The following CNTN5 variants were observed in gnomAD, a reference collection of about 807,000 sequenced individuals.
The protein encoded by CNTN5 is contactin 5, also known as contactin-5.
Under a neutral mutation model 129.1 loss-of-function variants are expected in CNTN5, and 77 were observed. The ratio of observed to expected loss-of-function variants is 0.60; its 90% confidence interval spans 0.50 to 0.72. The LOEUF is 0.72. CNTN5 is among the 30% of genes least tolerant of loss of function. The probability of loss-of-function intolerance (pLI) is 0.00; values close to 1 mark genes in which losing one functional copy is unlikely to be tolerated. For synonymous variants in CNTN5, 509 were observed against 465.6 expected (o/e 1.09, Z -1.20); for missense variants, 1,478 against 1,328.8 (o/e 1.11, Z -1.75).
chr11:100,023,917 G>A (rs1941286385), intron 9 of CNTN5, among the ~76,000 whole-genome samples: 1 of 151,954 alleles, frequency 6.6e-6, no homozygotes, highest in Non-Finnish European at 1.5e-5. Context: ...GCTACTAAAG[G>A]ACTCTTAGCT....
At chr11:99,500,462 A>G (rs532365968) in intron 2 of CNTN5, among the ~76,000 whole-genome samples, 26 of 152,130 alleles carry the variant, frequency 1.7e-4, no homozygotes, top group Non-Finnish European at 3.8e-4. Flanking sequence ...GAGTCCTTGT[A>G]TATTTCCAGA....
intron 1 of CNTN5, among the ~76,000 whole-genome samples, chr11:99,117,857 T>G (rs1858116055): frequency 6.6e-6 from 1 of 152,170 alleles, no homozygotes; most frequent in Admixed American, 6.5e-5. Flanking sequence ...TCAAATCTGA[T>G]AGCATCATGG....
At chr11:99,338,744 T>C (rs1591541757) in intron 2 of CNTN5, among the ~76,000 whole-genome samples, 1 of 152,010 alleles carries the variant, frequency 6.6e-6, no homozygotes, top group Middle Eastern at 3.4e-3. Context: ...TCTCTATTTG[T>C]ATATGCTCAT....
At chr11:100,335,708 C>A (rs1952023402) in intron 21 of CNTN5, among the ~76,000 whole-genome samples, 1 of 151,138 alleles carries the variant, frequency 6.6e-6, no homozygotes, top group Non-Finnish European at 1.5e-5. Context: ...CTGGAGGTTG[C>A]AGTGAGCTGA....
intron 6 of CNTN5, among the ~76,000 whole-genome samples, chr11:99,904,009 A>G (rs763549362): frequency 6.6e-6 from 1 of 152,150 alleles, no homozygotes; most frequent in Non-Finnish European, 1.5e-5. Flanking sequence ...AGGCAAATAT[A>G]ACAGATGCTG....
intron 2 of CNTN5, among the ~76,000 whole-genome samples, chr11:99,547,471 G>T (rs1467010273): frequency 6.6e-6 from 1 of 152,150 alleles, no homozygotes; most frequent in Non-Finnish European, 1.5e-5. Context: ...ATGCTAAACT[G>T]TATGTAAAAG....
At chr11:99,924,032 C>T (rs745938873) in intron 7 of CNTN5, among the ~76,000 whole-genome samples, 30 of 152,262 alleles carry the variant, frequency 2.0e-4, no homozygotes, top group Non-Finnish European at 1.9e-4. Context: ...CCTCATGGTC[C>T]GCCGGCTTCT....
rs80217353 is a variant in CNTN5, at chr11:100,170,686, G to T, written c.1581-20440G>T. ...TTCTTGCGTGTCATCCATAGACAAGGACAGTTCCATGCTGTCTATGGTGGA... is the reference window on the plus strand; with the variant it reads ...TTCTTGCGTGTCATCCATAGACAAGTACAGTTCCATGCTGTCTATGGTGGA... On this transcript the variant is annotated intron_variant, in intron 13 of 24. Coordinates refer to ENST00000524871, the MANE Select transcript of CNTN5 (RefSeq NM_014361.4). 1.0e-2 allele frequency among the ~76,000 whole-genome samples: 1,519 copies of T among 151,952 alleles called. 23 individuals carry two copies. The highest frequency in any genetic ancestry group is 0.031 in the African/African-American group (1,305 of 41,488).
intron 2 of CNTN5, among the ~76,000 whole-genome samples, chr11:99,374,627 C>A (rs374467626): frequency 1.3e-4 from 19 of 151,918 alleles, no homozygotes; most frequent in South Asian, 6.2e-4. Context: ...GAGCTTACAG[C>A]GAGTCCAGAT....
intron 2 of CNTN5, among the ~76,000 whole-genome samples, chr11:99,472,998 C>A (rs1196776128): frequency 6.6e-6 from 1 of 152,146 alleles, no homozygotes; most frequent in East Asian, 1.9e-4. Flanking sequence ...ATATGTCTGA[C>A]ACCTACTATA....
intron 9 of CNTN5, among the ~76,000 whole-genome samples, chr11:100,037,113 GA>G (rs1427565054): frequency 7.3e-5 from 11 of 151,710 alleles, no homozygotes; most frequent in Non-Finnish European, 1.6e-4. Context: ...GTTTGTCATG[GA>G]TAGCTTTTAT....
At chr11:99,088,383 T>G (rs1200177750) in intron 1 of CNTN5, among the ~76,000 whole-genome samples, 1 of 152,130 alleles carries the variant, frequency 6.6e-6, no homozygotes, top group Non-Finnish European at 1.5e-5. Context: ...CTGTTAAGAA[T>G]TTTTTCCTTC....
intron 3 of CNTN5, among the ~76,000 whole-genome samples, chr11:99,797,552 G>C (rs1945983601): frequency 6.6e-6 from 1 of 152,048 alleles, no homozygotes; most frequent in African/African-American, 2.4e-5. Flanking sequence ...ATTTTTTCAG[G>C]CTTCTTGGCC....
chr11:100,044,884 G>A (rs182213765), intron 9 of CNTN5, among the ~76,000 whole-genome samples: 4 of 152,150 alleles, frequency 2.6e-5, no homozygotes, highest in Admixed American at 6.5e-5. Context: ...GTTATACTGA[G>A]GAGTTAATAA....
At chr11:99,982,158 A>G (rs1383192445) in intron 8 of CNTN5, among the ~76,000 whole-genome samples, 4 of 152,242 alleles carry the variant, frequency 2.6e-5, no homozygotes, top group African/African-American at 9.6e-5. Context: ...ATGAACTTCA[A>G]ACGAATGACT....
At chr11:99,770,705 A>G (rs187665920) in intron 3 of CNTN5, among the ~76,000 whole-genome samples, 248 of 152,172 alleles carry the variant, frequency 1.6e-3, no homozygotes, top group Middle Eastern at 3.4e-3. Context: ...TTTTGATGCT[A>G]TTGTAAATGG....
At chr11:99,950,197 G>A (rs533714438) in intron 7 of CNTN5, among the ~76,000 whole-genome samples, 2 of 152,188 alleles carry the variant, frequency 1.3e-5, no homozygotes, top group African/African-American at 2.4e-5. Flanking sequence ...TTGATTCTGA[G>A]GCTGGGCACA....
At chr11:99,580,899 C>T (rs1422786332) in intron 3 of CNTN5, among the ~76,000 whole-genome samples, 22 of 142,872 alleles carry the variant, frequency 1.5e-4, no homozygotes, top group African/African-American at 5.0e-4. Flanking sequence ...GCTCTTGCTT[C>T]TCTAGTTCTT....
intron 3 of CNTN5, among the ~76,000 whole-genome samples, chr11:99,653,993 T>A (rs1952253924): frequency 6.6e-6 from 1 of 151,732 alleles, no homozygotes; most frequent in African/African-American, 2.4e-5. Context: ...AAAAAAAAAA[T>A]CCATCAAGTT....
Sources: allele counts gnomAD v4.1 joint callset (sites outside exome capture counted in the v4.1 genomes callset), GRCh38; gene constraint gnomAD v4.1.1; transcripts MANE v1.5; gene names NCBI Gene and HGNC (gene_info 2026-07-23, HGNC 2026-07-21).